Variants in TMEM132D observed in about 807,000 individuals in gnomAD.
TMEM132D encodes mature OL transmembrane protein.
In TMEM132D, 21 loss-of-function variants were observed where a neutral mutation model predicts 62.3. That is an observed-to-expected ratio of 0.34 (90% confidence interval 0.24 to 0.49). The LOEUF (loss-of-function observed/expected upper bound fraction) is 0.49, where lower values mean the gene tolerates loss of function less well. Among genes scored for constraint, TMEM132D ranks in the 20% least tolerant of loss-of-function variants. TMEM132D has a pLI of 0.99. For synonymous variants in TMEM132D, 621 were observed against 575.6 expected, an observed-to-expected ratio of 1.08 and a Z score of -1.13; for missense variants, 1,346 against 1,402.8, an observed-to-expected ratio of 0.96 and a Z score of 0.65.
intron 4 of TMEM132D, among the ~76,000 whole-genome samples, chr12:129,279,636 A>G (rs998589724): frequency 7.9e-5 from 12 of 152,086 alleles, no homozygotes; most frequent in African/African-American, 2.9e-4. Flanking sequence ...TGAATCCTTT[A>G]AGGGAATACA....
chr12:129,859,084 C>T (rs926864854), intron 1 of TMEM132D, among the ~76,000 whole-genome samples: 3 of 152,232 alleles, frequency 2.0e-5, no homozygotes, highest in African/African-American at 7.2e-5. Flanking sequence ...GGGATGGGTG[C>T]CCTTACAAAA....
intron 2 of TMEM132D, among the ~76,000 whole-genome samples, chr12:129,601,466 A>G (rs1878480477): frequency 1.3e-5 from 2 of 152,194 alleles, no homozygotes. Flanking sequence ...TCGAAACATA[A>G]CCATATGATA....
At chr12:129,803,806 GAAAA>G (rs1391158740) in intron 1 of TMEM132D, among the ~76,000 whole-genome samples, 2 of 150,414 alleles carry the variant, frequency 1.3e-5, no homozygotes, top group East Asian at 3.9e-4. Context: ...GACTAATAAA[GAAAA>G]AAAGAGAGAA....
chr12:129,850,657 A>G (rs568187958), intron 1 of TMEM132D, among the ~76,000 whole-genome samples: 2 of 152,326 alleles, frequency 1.3e-5, no homozygotes, highest in Non-Finnish European at 2.9e-5. Flanking sequence ...CGTTTTCTAC[A>G]ATACTTCCCA....
chr12:129,824,979 C>T (rs1872623886), intron 1 of TMEM132D, among the ~76,000 whole-genome samples: 1 of 151,270 alleles, frequency 6.6e-6, no homozygotes, highest in South Asian at 2.1e-4. Flanking sequence ...TCCCTATTTG[C>T]TCACTTCGTT....
chr12:129,701,796 G>A (rs1402599371), intron 1 of TMEM132D, among the ~76,000 whole-genome samples: 1 of 152,198 alleles, frequency 6.6e-6, no homozygotes, highest in Non-Finnish European at 1.5e-5. Flanking sequence ...CAGTCACCAT[G>A]TAATTATCTT....
chr12:129,238,832 G>T (rs1879855620), intron 4 of TMEM132D, among the ~76,000 whole-genome samples: 1 of 152,094 alleles, frequency 6.6e-6, no homozygotes, highest in Non-Finnish European at 1.5e-5. Flanking sequence ...CAATTCTTTG[G>T]GATGTATACA....
chr12:129,503,218 T>G (rs76334378), intron 3 of TMEM132D, among the ~76,000 whole-genome samples: 2,264 of 152,312 alleles, frequency 0.015, 64 homozygotes, highest in African/African-American at 0.052. Flanking sequence ...TTATATTATT[T>G]ACTATTTTCT....
chr12:129,589,561 G>A (rs545768353), intron 2 of TMEM132D, among the ~76,000 whole-genome samples: 12 of 152,150 alleles, frequency 7.9e-5, no homozygotes, highest in Admixed American at 3.9e-4. Flanking sequence ...CTCCTACCCC[G>A]TGTAGACCCC....
chr12:129,475,147 G>A (rs931693894), intron 3 of TMEM132D, among the ~76,000 whole-genome samples: 1 of 152,216 alleles, frequency 6.6e-6, no homozygotes, highest in Non-Finnish European at 1.5e-5. Flanking sequence ...GAGAATAGCT[G>A]TAGGACATCC....
Position 129,903,431 on chromosome 12 carries a change from CGGT to C in TMEM132D, c.-95_-93del. The stretch of plus-strand genomic sequence containing the variant: ...GTCCCCTAGAGGCCCGCAGCGGGGC[CGGT>C]GGCGAGGGAGCGCCCGGCTAGGGGC... On this transcript the variant is annotated 5_prime_UTR_variant, in exon 1 of 9. Coordinates refer to ENST00000422113, the MANE Select transcript of TMEM132D (RefSeq NM_133448.3). This position sits in a 1 kb window ranked among gnomAD's most constrained non-coding sequence, Gnocchi z 6.2. 1 of 1,395,936 alleles carries C rather than the reference CGGT, an allele frequency of 7.2e-7. No individual in the cohort carries two copies. Among genetic ancestry groups the C allele is most frequent in the Admixed American group, 2.1e-5 (1 of 48,014 alleles). The allele number at this position is 1,395,936 out of a possible 1,614,324, so 86.5% of individuals were successfully genotyped here. A position where few individuals can be genotyped will look rare whatever the true frequency, so the allele number is the denominator to read the frequency against.
At chr12:129,598,723 C>T (rs1382966062) in intron 2 of TMEM132D, among the ~76,000 whole-genome samples, 1 of 152,130 alleles carries the variant, frequency 6.6e-6, no homozygotes, top group East Asian at 1.9e-4. Flanking sequence ...CACAGAAAAA[C>T]TGTATTGATT....
rs533091202 is a variant in TMEM132D at position 129,833,135 on chromosome 12, T to G, written c.79+70126A>C. Among the ~76,000 whole-genome samples, 10 of 152,332 alleles carry G rather than the reference T, an allele frequency of 6.6e-5. No homozygotes were observed. In the East Asian group the frequency reaches 1.5e-3, roughly 23 times the overall value. The stretch of plus-strand genomic sequence containing the variant: ...TGTGTGCTCCACACACAACTCTACT[T>G]GGCTTTCATAGACCCCGTAGATATT... On this transcript the variant is annotated intron_variant, in intron 1 of 8. Transcript: ENST00000422113.
intron 5 of TMEM132D, among the ~76,000 whole-genome samples, chr12:129,116,571 A>G (rs1400284178): frequency 6.6e-6 from 1 of 152,228 alleles, no homozygotes; most frequent in Non-Finnish European, 1.5e-5. Context: ...ATTAAACAAT[A>G]GGCAAAGATT....
intron 5 of TMEM132D, among the ~76,000 whole-genome samples, chr12:129,196,489 G>C (rs923989569): frequency 4.6e-5 from 7 of 152,124 alleles, no homozygotes; most frequent in African/African-American, 1.7e-4. Context: ...TTTCTTTCTA[G>C]GTCTAAGATG....
chr12:129,073,737 C>T lies in TMEM132D; in HGVS notation c.*138G>A. 1.3e-6 allele frequency: 1 copy of T among 755,274 alleles called. No homozygotes were observed. Among genetic ancestry groups the T allele is most frequent in the Non-Finnish European group, 2.1e-6 (1 of 478,846 alleles). 46.8% of individuals were successfully genotyped at this position (755,274 alleles called of 1,614,324 possible). On this transcript the variant is annotated 3_prime_UTR_variant, in exon 9 of 9. Transcript: ENST00000422113. ...CCAGGCCTCGCCGCCGAGCCGGGGT[C>T]ATTGGCTGAGGCTGTATGGATAGTG...
intron 2 of TMEM132D, among the ~76,000 whole-genome samples, chr12:129,551,798 C>T (rs1316035727): frequency 2.0e-5 from 3 of 152,140 alleles, no homozygotes; most frequent in African/African-American, 7.2e-5. Flanking sequence ...TAGAATTCAC[C>T]AAGGGTCCAA....
chr12:129,333,405 T>C (rs1869175019), intron 4 of TMEM132D, among the ~76,000 whole-genome samples: 1 of 152,174 alleles, frequency 6.6e-6, no homozygotes, highest in South Asian at 2.1e-4. Context: ...AAACCATAGG[T>C]TATTTTATAA....
At chr12:129,708,628 AAAACACAC>A (rs1881562064) in intron 1 of TMEM132D, among the ~76,000 whole-genome samples, 1 of 86,674 alleles carries the variant, frequency 1.2e-5, no homozygotes. Context: ...AAAAAAAAAA[AAAACACAC>A]ACACACACAC....
Sources: gnomAD v4.1 joint callset for allele counts (sites outside exome capture counted in the v4.1 genomes callset) on GRCh38, gnomAD v4.1.1 for gene constraint, Gnocchi (gnomAD v3.1) non-coding constraint, MANE v1.5 for transcripts, NCBI Gene and HGNC (gene_info 2026-07-23, HGNC 2026-07-21) for gene names.